Variants in ADGRB3 observed in about 807,000 individuals in gnomAD.
ADGRB3 encodes brain-specific angiogenesis inhibitor 3.
Under a neutral mutation model 193.4 loss-of-function variants are expected in ADGRB3, and 37 were observed. That is an observed-to-expected ratio of 0.19 (90% CI 0.15 to 0.25). ADGRB3 has a LOEUF of 0.25. Ranked by LOEUF, ADGRB3 falls within the 10% of genes least tolerant of loss-of-function variation. The probability of loss-of-function intolerance (pLI) is 1.00; values close to 1 mark genes in which losing one functional copy is unlikely to be tolerated. For synonymous variants in ADGRB3, 690 were observed against 644.2 expected, an observed-to-expected ratio of 1.07 and a Z score of -1.08; for missense variants, 1,637 against 1,852.9, an observed-to-expected ratio of 0.88 and a Z score of 2.14.
chr6:69,295,025 T>G (rs1767779237), intron 20 of ADGRB3, among the ~76,000 whole-genome samples: 1 of 152,112 alleles, frequency 6.6e-6, no homozygotes, highest in African/African-American at 2.4e-5. Flanking sequence ...TGCTTATAAC[T>G]CTCTCTCACT....
chr6:69,318,904 C>A (rs1274678208), intron 20 of ADGRB3, among the ~76,000 whole-genome samples: 1 of 150,126 alleles, frequency 6.7e-6, no homozygotes, highest in South Asian at 2.1e-4. Flanking sequence ...CATTCCTAAA[C>A]TTATTTATTT....
At chr6:69,011,259 A>T (rs1274457931) in intron 11 of ADGRB3, among the ~76,000 whole-genome samples, 1 of 151,790 alleles carries the variant, frequency 6.6e-6, no homozygotes, top group Admixed American at 6.6e-5. Flanking sequence ...GAGGCGCAAA[A>T]TGTGGCACAT....
At chr6:69,142,496 T>C (rs1015683898) in intron 17 of ADGRB3, among the ~76,000 whole-genome samples, 1 of 152,206 alleles carries the variant, frequency 6.6e-6, no homozygotes, top group African/African-American at 2.4e-5. Flanking sequence ...ACTTGTACCT[T>C]GGCCCTAACA....
chr6:68,945,370 G>A (rs1297198943), intron 6 of ADGRB3, among the ~76,000 whole-genome samples: 2 of 152,028 alleles, frequency 1.3e-5, no homozygotes, highest in Non-Finnish European at 1.5e-5. Flanking sequence ...TTGTTAACCA[G>A]TACTAGAAAA....
At chr6:69,127,449 G>A (rs896136477) in intron 17 of ADGRB3, among the ~76,000 whole-genome samples, 2 of 152,128 alleles carry the variant, frequency 1.3e-5, no homozygotes, top group Non-Finnish European at 2.9e-5. Context: ...GTGAGGGTGC[G>A]GTGGTCTGGC....
At chr6:68,775,073 A>G (rs1410507164) in intron 3 of ADGRB3, among the ~76,000 whole-genome samples, 1 of 146,054 alleles carries the variant, frequency 6.8e-6, no homozygotes, top group Non-Finnish European at 1.5e-5. Flanking sequence ...TGAAGATAAG[A>G]AGAACCTTTC....
chr6:68,942,498 T>C (rs1767671199), intron 5 of ADGRB3, among the ~76,000 whole-genome samples: 1 of 152,186 alleles, frequency 6.6e-6, no homozygotes, highest in Admixed American at 6.5e-5. Flanking sequence ...GCACATTTTT[T>C]CTCATTCCTT....
rs778446616 is a variant in ADGRB3, at chr6:68,943,942, G to C, written c.1143G>C (p.Pro381=). The part of the protein sequence containing the change: ...SCTPPQYGGR[P]CEGPETHHKP... The stretch of plus-strand genomic sequence containing the variant: ...CACCTCCTCAGTATGGAGGAAGGCC[G>C]TGTGAAGGACCTGAAACACATCATA... Residue 381 remains proline, a synonymous_variant, in exon 6 of 32, where the codon CCG becomes CCC. Transcript: ENST00000370598. The C allele has an allele frequency of 6.2e-7, 1 of 1,613,578 alleles. No homozygotes were observed. The highest frequency in any genetic ancestry group is 1.3e-5 in the African/African-American group (1 of 74,926).
intron 17 of ADGRB3, among the ~76,000 whole-genome samples, chr6:69,178,555 T>C (rs149778468): frequency 6.6e-6 from 1 of 152,324 alleles, no homozygotes; most frequent in Non-Finnish European, 1.5e-5. Flanking sequence ...CTATGAGTTA[T>C]GTATTTAAAT....
At chr6:68,954,700 G>A (rs1768021443) in intron 6 of ADGRB3, among the ~76,000 whole-genome samples, 1 of 139,220 alleles carries the variant, frequency 7.2e-6, no homozygotes. Context: ...TTTTTTTTGA[G>A]ACGGAGTCTT....
chr6:68,997,933 A>G (rs539095457), intron 11 of ADGRB3, among the ~76,000 whole-genome samples: 2 of 152,274 alleles, frequency 1.3e-5, no homozygotes, highest in African/African-American at 4.8e-5. Flanking sequence ...CTGTTCAGTA[A>G]TAGTAATTCA....
At chr6:69,385,966 C>T (rs1052937785) in intron 31 of ADGRB3, among the ~76,000 whole-genome samples, 2 of 152,070 alleles carry the variant, frequency 1.3e-5, no homozygotes, top group South Asian at 2.1e-4. Flanking sequence ...CCCACTCTGA[C>T]TTCTGAGTGC....
intron 26 of ADGRB3, among the ~76,000 whole-genome samples, chr6:69,347,954 C>A (rs117026802): frequency 2.0e-5 from 3 of 152,220 alleles, no homozygotes; most frequent in Admixed American, 6.5e-5. Flanking sequence ...TCTTATATAC[C>A]TTTCCAAGAA....
At chr6:68,895,221 A>ATTT (rs35758730) in intron 3 of ADGRB3, among the ~76,000 whole-genome samples, 2 of 147,456 alleles carry the variant, frequency 1.4e-5, no homozygotes, top group African/African-American at 5.0e-5. Flanking sequence ...GCTGAGACTA[A>ATTT]TTTTTTTTTT....
At chr6:68,665,971 A>T (rs969475732) in intron 3 of ADGRB3, among the ~76,000 whole-genome samples, 4 of 151,854 alleles carry the variant, frequency 2.6e-5, no homozygotes, top group Admixed American at 2.6e-4. Flanking sequence ...TGATAAATAA[A>T]CATAATATTT....
chr6:69,100,856 A>AGGAAGGAAGGAAGAAGGAAGGGAG (rs1773017832), intron 17 of ADGRB3, among the ~76,000 whole-genome samples: 1 of 24,704 alleles, frequency 4.0e-5, no homozygotes, highest in Non-Finnish European at 1.1e-4. Context: ...GAGGGAGGGA[A>AGGAAGGAAGGAAGAAGGAAGGGAG]GGAAGGAAGG....
At chr6:69,017,696 A>G (rs1368166655) in intron 12 of ADGRB3, among the ~76,000 whole-genome samples, 1 of 151,900 alleles carries the variant, frequency 6.6e-6, no homozygotes, top group Non-Finnish European at 1.5e-5. Context: ...ATAGATGGAC[A>G]GTTAGGTAGA....
chr6:69,005,312 C>A (rs2150281148), intron 11 of ADGRB3, among the ~76,000 whole-genome samples: 1 of 151,578 alleles, frequency 6.6e-6, no homozygotes, highest in South Asian at 2.1e-4. Flanking sequence ...CAGAATTACT[C>A]TGTTGCCTCT....
At chr6:69,202,979 T>G (rs1237050569) in intron 17 of ADGRB3, among the ~76,000 whole-genome samples, 1 of 152,098 alleles carries the variant, frequency 6.6e-6, no homozygotes, top group African/African-American at 2.4e-5. Flanking sequence ...TCTCCCCAGC[T>G]GCTAGTTCAT....
Sources: gnomAD v4.1 joint callset for allele counts (sites outside exome capture counted in the v4.1 genomes callset) on GRCh38, gnomAD v4.1.1 for gene constraint, MANE v1.5 for transcripts, NCBI Gene and HGNC (gene_info 2026-07-23, HGNC 2026-07-21) for gene names.